The following PSMG2 variants were observed in gnomAD, a reference collection of about 807,000 sequenced individuals.
PSMG2 encodes CD40 ligand-activated specific transcript 3.
PSMG2 carries 21 observed loss-of-function variants against 31.5 expected under a neutral mutation model. The ratio of observed to expected loss-of-function variants is 0.67; its 90% CI spans 0.47 to 0.96. The LOEUF (loss-of-function observed/expected upper bound fraction) is 0.96. Ranked by LOEUF, PSMG2 falls within the 40% of genes least tolerant of loss-of-function variation. PSMG2 has a pLI of 0.00. For synonymous variants in PSMG2, 120 were observed against 110.4 expected, an observed-to-expected ratio of 1.09 and a Z score of -0.54; for missense variants, 318 against 321.2, an observed-to-expected ratio of 0.99 and a Z score of 0.08.
upstream of PSMG2, chr18:12,702,483 C>G (rs2040194135): frequency 6.2e-7 from 1 of 1,606,724 alleles, no homozygotes; most frequent in African/African-American, 1.3e-5. Context: ...CCGCGACTCT[C>G]ACCTTGCTCA....
At chr18:12,722,194 T>C (rs987089085) in intron 5 of PSMG2, among the ~76,000 whole-genome samples, 9 of 152,212 alleles carry the variant, frequency 5.9e-5, no homozygotes, top group African/African-American at 1.7e-4. Context: ...GTAACTGATA[T>C]CAGACTTGCC....
chr18:12,662,209 TA>T (rs2038705888), intron 1 of PSMG2: 1 of 444,110 alleles, frequency 2.3e-6, no homozygotes, highest in Non-Finnish European at 4.5e-6. Flanking sequence ...AAAAACAGCA[TA>T]TTTTTTAATG....
chr18:12,671,354 A>C (rs948024128), intron 1 of PSMG2, among the ~76,000 whole-genome samples: 3 of 152,208 alleles, frequency 2.0e-5, no homozygotes, highest in Non-Finnish European at 4.4e-5. Flanking sequence ...TGGATAGCCA[A>C]CTGGTATAGA....
chr18:12,674,498 C>G, intron 1 of PSMG2: 1 of 1,525,150 alleles, frequency 6.6e-7, no homozygotes, highest in African/African-American at 1.4e-5. Context: ...CTGTAAGACT[C>G]CTAAACTGAA....
upstream of PSMG2, among the ~76,000 whole-genome samples, chr18:12,698,540 T>C (rs2040041408): frequency 6.6e-6 from 1 of 152,194 alleles, no homozygotes; most frequent in African/African-American, 2.4e-5. Flanking sequence ...CTTCAAATGA[T>C]TCTCTCACCT....
intron 1 of PSMG2, among the ~76,000 whole-genome samples, chr18:12,668,731 TTCC>T (rs1236522246): frequency 9.8e-4 from 138 of 141,538 alleles, no homozygotes; most frequent in Non-Finnish European, 1.8e-3. Flanking sequence ...ATACACTTTA[TTCC>T]TTTTTTTTTT....
chr18:12,718,691 C>T (rs145844272), intron 4 of PSMG2, 56 bp downstream of exon 4: 1 of 1,301,422 alleles, frequency 7.7e-7, no homozygotes, highest in East Asian at 2.4e-5. Context: ...ATGATAATTT[C>T]TCTATTAAAA....
intron 3 of PSMG2, among the ~76,000 whole-genome samples, chr18:12,715,638 T>C (rs1331474653): frequency 6.6e-6 from 1 of 152,076 alleles, no homozygotes; most frequent in East Asian, 1.9e-4. Flanking sequence ...CCTGAGTAAC[T>C]GGGATTACAG....
At chr18:12,681,394 G>A (rs932456107) in intron 1 of PSMG2, among the ~76,000 whole-genome samples, 1 of 151,256 alleles carries the variant, frequency 6.6e-6, no homozygotes, top group African/African-American at 2.4e-5. Context: ...CTAAAGGTGT[G>A]CACCATGACA....
chr18:12,691,148 C>T, intron 1 of PSMG2: 2 of 397,246 alleles, frequency 5.0e-6, no homozygotes, highest in Non-Finnish European at 4.4e-6. Context: ...CAAAAACCCA[C>T]AATAACTGAA....
At position 12,710,231 on chromosome 18, in the gene PSMG2, C is replaced by A. The variant is rs145891910; in HGVS notation, c.230-2471C>A. Among the ~76,000 whole-genome samples, 894 of 152,242 alleles carry A rather than the reference C, an allele frequency of 5.9e-3. 6 individuals carry two copies. The highest frequency in any genetic ancestry group is 0.02 in the African/African-American group (840 of 41,538). ...TGCTGGGATTACAGGTGTGAGCCAC[C>A]ACGCCCGCCCCTTTTAAAGCATCTG... On this transcript the variant is annotated intron_variant, in intron 2 of 6. Transcript: ENST00000317615.
At chr18:12,673,135 C>A (rs1462253435) in intron 1 of PSMG2, 1 of 1,124,566 alleles carries the variant, frequency 8.9e-7, no homozygotes, top group Non-Finnish European at 1.1e-6. Flanking sequence ...ATAGAATATA[C>A]ACTTAATTTA....
At chr18:12,658,771 A>G (rs889374262) in exon 1 of PSMG2, 5 of 359,964 alleles carry the variant, frequency 1.4e-5, no homozygotes, top group Non-Finnish European at 2.9e-5. Context: ...TCCCATCTTC[A>G]GGGTAAGCAC....
intron 1 of PSMG2, among the ~76,000 whole-genome samples, chr18:12,660,939 C>T (rs766202698): frequency 6.6e-6 from 1 of 152,216 alleles, no homozygotes; most frequent in African/African-American, 2.4e-5. Flanking sequence ...AGTTATACAA[C>T]ATGAACACTT....
chr18:12,673,111 T>G, intron 1 of PSMG2: 1 of 1,051,172 alleles, frequency 9.5e-7, no homozygotes, highest in Non-Finnish European at 1.2e-6. Flanking sequence ...GTAAACAAAG[T>G]AGCATTTATT....
At chr18:12,686,329 G>A (rs1378729407) in intron 1 of PSMG2, 5 of 1,613,838 alleles carry the variant, frequency 3.1e-6, no homozygotes, top group Non-Finnish European at 4.2e-6. Context: ...TCCAATAACA[G>A]GGGCTCGTTC....
chr18:12,713,528 A>C (rs1040915256), intron 3 of PSMG2, among the ~76,000 whole-genome samples: 23 of 152,186 alleles, frequency 1.5e-4, no homozygotes, highest in Non-Finnish European at 2.8e-4. Context: ...GTCCTTGGGC[A>C]TGCACAGTTA....
chr18:12,720,013 G>A (rs749648588), intron 4 of PSMG2, among the ~76,000 whole-genome samples: 5 of 151,932 alleles, frequency 3.3e-5, no homozygotes, highest in East Asian at 3.9e-4. Context: ...CACCACGCCC[G>A]GCCCCAAGAT....
At chr18:12,678,182 G>A (rs751088597) in intron 1 of PSMG2, 1 of 1,614,162 alleles carries the variant, frequency 6.2e-7, no homozygotes, top group Non-Finnish European at 8.5e-7. Context: ...GTCAATTGTG[G>A]ATGCACACAG....
Sources: allele counts gnomAD v4.1 joint callset (sites outside exome capture counted in the v4.1 genomes callset), GRCh38; gene constraint gnomAD v4.1.1; transcripts MANE v1.5; gene names NCBI Gene and HGNC (gene_info 2026-07-23, HGNC 2026-07-21).